MAGI2: variants seen among roughly 807,000 people sequenced by gnomAD.
The protein encoded by MAGI2 is membrane-associated guanylate kinase, WW and PDZ domain-containing protein 2.
A neutral mutation model predicts 133.3 loss-of-function variants in MAGI2; 35 were observed. The observed-to-expected ratio is 0.26, with a 90% CI of 0.20 to 0.35. The LOEUF (loss-of-function observed/expected upper bound fraction) is 0.35, where lower values mean the gene tolerates loss of function less well. Ranked by LOEUF, MAGI2 falls within the 10% of genes least tolerant of loss-of-function variation. MAGI2 has a pLI of 1.00. For missense variants in MAGI2, 1,636 were observed against 1,863.4 expected (o/e 0.88, Z 2.25); for synonymous variants, 729 against 710.6 (o/e 1.03, Z -0.41).
intron 1 of MAGI2, among the ~76,000 whole-genome samples, chr7:79,048,404 T>C (rs1274187572): frequency 6.6e-6 from 1 of 152,230 alleles, no homozygotes; most frequent in South Asian, 2.1e-4. Flanking sequence ...AATGTTGTTG[T>C]GTGAATGGTA....
intron 2 of MAGI2, among the ~76,000 whole-genome samples, chr7:78,976,780 C>T (rs1046618331): frequency 2.0e-4 from 30 of 150,018 alleles, no homozygotes; most frequent in Non-Finnish European, 2.8e-4. Context: ...GGTCAACATG[C>T]AAAACTCAAT....
intron 7 of MAGI2, among the ~76,000 whole-genome samples, chr7:78,356,377 C>G (rs1792084320): frequency 6.6e-6 from 1 of 151,978 alleles, no homozygotes. Flanking sequence ...AGACTTACAG[C>G]TAGATAGGAG....
chr7:79,291,691 TC>T (rs1836501402), intron 1 of MAGI2, among the ~76,000 whole-genome samples: 1 of 152,218 alleles, frequency 6.6e-6, no homozygotes, highest in South Asian at 2.1e-4. Flanking sequence ...TTTCACATGC[TC>T]ATTGGATCTG....
At chr7:78,571,106 A>G (rs2150768177) in intron 3 of MAGI2, among the ~76,000 whole-genome samples, 1 of 152,280 alleles carries the variant, frequency 6.6e-6, no homozygotes, top group Non-Finnish European at 1.5e-5. Flanking sequence ...TGTCATGTTG[A>G]TTTAGTTTAA....
At chr7:78,836,035 A>G (rs912766159) in intron 2 of MAGI2, among the ~76,000 whole-genome samples, 1 of 152,188 alleles carries the variant, frequency 6.6e-6, no homozygotes, top group Non-Finnish European at 1.5e-5. Flanking sequence ...GGCAAAAGGA[A>G]CAGTAATGGG....
intron 1 of MAGI2, among the ~76,000 whole-genome samples, chr7:79,405,381 T>C (rs1845735926): frequency 6.6e-6 from 1 of 152,118 alleles, no homozygotes; most frequent in South Asian, 2.1e-4. Flanking sequence ...AAATTCAACT[T>C]TTTCTCTCAG....
intron 2 of MAGI2, among the ~76,000 whole-genome samples, chr7:78,783,814 A>G (rs1259780410): frequency 6.6e-6 from 1 of 152,238 alleles, no homozygotes; most frequent in Non-Finnish European, 1.5e-5. Context: ...TAACTACTGT[A>G]GTGAAATCAC....
At chr7:78,907,975 T>G (rs1798106387) in intron 2 of MAGI2, among the ~76,000 whole-genome samples, 1 of 152,206 alleles carries the variant, frequency 6.6e-6, no homozygotes, top group African/African-American at 2.4e-5. Context: ...ATATTGGAGT[T>G]ACATATGAAA....
chr7:78,800,732 T>C (rs927959370), intron 2 of MAGI2, among the ~76,000 whole-genome samples: 4 of 152,164 alleles, frequency 2.6e-5, no homozygotes, highest in African/African-American at 9.6e-5. Flanking sequence ...TCTTGCTCAG[T>C]AGGACTTTAT....
intron 1 of MAGI2, among the ~76,000 whole-genome samples, chr7:79,389,101 T>G (rs887558679): frequency 1.3e-5 from 2 of 152,000 alleles, no homozygotes; most frequent in African/African-American, 4.8e-5. Flanking sequence ...TGAGATGTTG[T>G]GGCATAATTG....
chr7:79,417,776 G>A (rs1846640187), intron 1 of MAGI2, among the ~76,000 whole-genome samples: 1 of 151,452 alleles, frequency 6.6e-6, no homozygotes, highest in Non-Finnish European at 1.5e-5. Context: ...CTTACAGACT[G>A]GAGGTTAGTA....
At chr7:79,155,230 T>A (rs62460848) in intron 1 of MAGI2, among the ~76,000 whole-genome samples, 353 of 152,298 alleles carry the variant, frequency 2.3e-3, no homozygotes, top group Non-Finnish European at 4.2e-3. Context: ...TTAATTGAGA[T>A]GATCAATGTT....
intron 1 of MAGI2, among the ~76,000 whole-genome samples, chr7:79,365,953 A>G (rs1405828427): frequency 6.6e-6 from 1 of 151,446 alleles, no homozygotes; most frequent in East Asian, 1.9e-4. Flanking sequence ...TTGAGTGAAA[A>G]AAAAAAAAAG....
At chr7:78,413,867 G>A (rs1199181354) in intron 6 of MAGI2, among the ~76,000 whole-genome samples, 1 of 151,968 alleles carries the variant, frequency 6.6e-6, no homozygotes, top group Non-Finnish European at 1.5e-5. Context: ...TGGAAAATGG[G>A]AAAACAAGAT....
chr7:78,317,962 G>A (rs549102096), intron 9 of MAGI2, among the ~76,000 whole-genome samples: 4 of 152,138 alleles, frequency 2.6e-5, no homozygotes, highest in Non-Finnish European at 4.4e-5. Flanking sequence ...AAACCCCGTT[G>A]GAAGGTCACC....
chr7:79,026,701 C>G (rs985584561), intron 1 of MAGI2, among the ~76,000 whole-genome samples: 1 of 151,836 alleles, frequency 6.6e-6, no homozygotes, highest in African/African-American at 2.4e-5. Flanking sequence ...GATGAAACCC[C>G]GTTTCCACTA....
At chr7:79,402,623 A>C (rs1845546145) in intron 1 of MAGI2, among the ~76,000 whole-genome samples, 1 of 152,176 alleles carries the variant, frequency 6.6e-6, no homozygotes, top group African/African-American at 2.4e-5. Context: ...GTATTTTAAC[A>C]GGAAAATGAA....
At chr7:78,898,708 G>C (rs896029361) in intron 2 of MAGI2, among the ~76,000 whole-genome samples, 1 of 152,054 alleles carries the variant, frequency 6.6e-6, no homozygotes, top group African/African-American at 2.4e-5. Context: ...TGGATACTAG[G>C]CTTAATATCC....
At chr7:78,920,105 T>A (rs970910275) in intron 2 of MAGI2, among the ~76,000 whole-genome samples, 3 of 152,110 alleles carry the variant, frequency 2.0e-5, no homozygotes, top group Non-Finnish European at 2.9e-5. Context: ...TAAGCCTCTA[T>A]GAAGAATCAT....
Sources: gnomAD v4.1 joint callset for allele counts (sites outside exome capture counted in the v4.1 genomes callset) on GRCh38, gnomAD v4.1.1 for gene constraint, MANE v1.5 for transcripts, NCBI Gene and HGNC (gene_info 2026-07-23, HGNC 2026-07-21) for gene names.